Variants in CADM2 observed in about 807,000 individuals in gnomAD.
The protein encoded by CADM2 is cell adhesion molecule 2.
A neutral mutation model predicts 49.8 loss-of-function variants in CADM2; 12 were observed. That is an observed-to-expected ratio of 0.24 (90% CI 0.15 to 0.39). The LOEUF (loss-of-function observed/expected upper bound fraction) is 0.39, where lower values mean the gene tolerates loss of function less well. Among genes scored for constraint, CADM2 ranks in the 10% least tolerant of loss-of-function variants. CADM2 has a pLI of 1.00. For missense variants in CADM2, 378 were observed against 492.3 expected (o/e 0.77, Z 2.20); for synonymous variants, 214 against 175.4 (o/e 1.22, Z -1.74).
At chr3:85,102,932 A>G (rs2038066351) in intron 1 of CADM2, among the ~76,000 whole-genome samples, 1 of 152,158 alleles carries the variant, frequency 6.6e-6, no homozygotes, top group African/African-American at 2.4e-5. Flanking sequence ...TGAGTCAATG[A>G]TAAGGTAACC....
chr3:85,601,640 A>C (rs4856598), intron 1 of CADM2, among the ~76,000 whole-genome samples: 80,832 of 151,148 alleles, frequency 0.53, 24,701 homozygotes, highest in East Asian at 0.93. Flanking sequence ...TTTTAAAAAA[A>C]CGTTTATATT....
intron 1 of CADM2, among the ~76,000 whole-genome samples, chr3:85,267,694 A>T: frequency 6.6e-6 from 1 of 151,628 alleles, no homozygotes; most frequent in East Asian, 1.9e-4. Context: ...ATGAACTAAT[A>T]ATATGCCTGA....
intron 1 of CADM2, among the ~76,000 whole-genome samples, chr3:85,433,438 C>A (rs911023597): frequency 1.3e-5 from 2 of 151,934 alleles, no homozygotes; most frequent in African/African-American, 4.8e-5. Context: ...GGAGAATGAA[C>A]TCAGTTGGGA....
At chr3:85,190,995 T>C (rs910889967) in intron 1 of CADM2, among the ~76,000 whole-genome samples, 17 of 152,096 alleles carry the variant, frequency 1.1e-4, no homozygotes, top group African/African-American at 3.6e-4. Context: ...CTTTTTTATT[T>C]CAGTATTTTA....
rs79123392 is a variant in CADM2 at position 85,891,372 on chromosome 3, A to G, written c.529+5045A>G. ...GATCTTTTCTACCTAACTAGCTTTT[A>G]CATTAATGCATTAGGCAGCATTCTA... On this transcript the variant is annotated intron_variant, in intron 5 of 9. Coordinates refer to ENST00000383699, the MANE Select transcript of CADM2 (RefSeq NM_001167675.2). Among the ~76,000 whole-genome samples, 1,405 of 152,314 alleles carry G rather than the reference A, an allele frequency of 9.2e-3. 12 individuals carry two copies. The highest frequency in any genetic ancestry group is 0.026 in the South Asian group (125 of 4,832).
At chr3:85,189,968 T>A (rs1312411213) in intron 1 of CADM2, among the ~76,000 whole-genome samples, 1 of 150,018 alleles carries the variant, frequency 6.7e-6, no homozygotes. Flanking sequence ...TTTTTTTTTT[T>A]TTTTTTTTAG....
At chr3:85,358,819 G>T (rs1179188191) in intron 1 of CADM2, among the ~76,000 whole-genome samples, 2 of 152,138 alleles carry the variant, frequency 1.3e-5, no homozygotes, top group Non-Finnish European at 2.9e-5. Context: ...ACTTTAAGAG[G>T]TTGTTTTAGT....
chr3:85,566,859 G>T (rs62250491), intron 1 of CADM2, among the ~76,000 whole-genome samples: 77,701 of 151,818 alleles, frequency 0.51, 22,938 homozygotes, highest in East Asian at 0.85. Flanking sequence ...TAGGCAAAAT[G>T]AATATCTGTA....
At chr3:86,042,525 C>T (rs1461152543) in intron 8 of CADM2, among the ~76,000 whole-genome samples, 1 of 152,066 alleles carries the variant, frequency 6.6e-6, no homozygotes, top group Non-Finnish European at 1.5e-5. Context: ...CAAGACTAAA[C>T]CAGGAAGAAG....
chr3:85,400,731 G>A (rs1228705463), intron 1 of CADM2, among the ~76,000 whole-genome samples: 2 of 152,002 alleles, frequency 1.3e-5, no homozygotes, highest in Non-Finnish European at 2.9e-5. Context: ...TAGTTTATTT[G>A]TGTAGAGGTG....
At chr3:85,293,323 G>C (rs1272617161) in intron 1 of CADM2, among the ~76,000 whole-genome samples, 1 of 151,202 alleles carries the variant, frequency 6.6e-6, no homozygotes, top group Non-Finnish European at 1.5e-5. Flanking sequence ...AAGAGTCCAG[G>C]ACCAGATGGA....
intron 1 of CADM2, among the ~76,000 whole-genome samples, chr3:85,382,018 A>G (rs1212769539): frequency 2.6e-5 from 4 of 152,080 alleles, no homozygotes; most frequent in Non-Finnish European, 5.9e-5. Context: ...TTGGTGCTAA[A>G]AAGTTAGGTG....
chr3:86,062,841 A>G (rs1253303067), intron 8 of CADM2, among the ~76,000 whole-genome samples: 3 of 151,742 alleles, frequency 2.0e-5, no homozygotes, highest in Non-Finnish European at 4.4e-5. Context: ...TTAGTGACCA[A>G]TAGCTTTACT....
chr3:85,583,596 A>G (rs2062855052), intron 1 of CADM2, among the ~76,000 whole-genome samples: 1 of 152,154 alleles, frequency 6.6e-6, no homozygotes, highest in Non-Finnish European at 1.5e-5. Context: ...AAAGTTCAAT[A>G]GGATTATAGA....
intron 1 of CADM2, among the ~76,000 whole-genome samples, chr3:85,243,185 T>C (rs1171371371): frequency 6.6e-6 from 1 of 151,898 alleles, no homozygotes; most frequent in African/African-American, 2.4e-5. Context: ...TAGAACATAT[T>C]ATTTCTACTG....
At position 85,563,647 on chromosome 3, in the gene CADM2, G is replaced by C. The variant is rs200750749; in HGVS notation, c.62-162875G>C. Among the ~76,000 whole-genome samples, 4 of 152,062 alleles carry C rather than the reference G, an allele frequency of 2.6e-5. No individual in the cohort carries two copies. The East Asian group carries it at 7.7e-4, about 29-fold the overall frequency. On this transcript the variant is annotated intron_variant, in intron 1 of 9. Coordinates refer to ENST00000383699, the MANE Select transcript of CADM2 (RefSeq NM_001167675.2). Reference sequence around the variant, plus strand: ...ATCATTTTCCTGAGAACTTAAAAAAGGGAGCGGAATTCCAAGATATTTGTT... The same window carrying C: ...ATCATTTTCCTGAGAACTTAAAAAACGGAGCGGAATTCCAAGATATTTGTT...
chr3:85,776,411 T>G (rs1012885086), intron 2 of CADM2, among the ~76,000 whole-genome samples: 1 of 151,880 alleles, frequency 6.6e-6, no homozygotes, highest in Admixed American at 6.6e-5. Flanking sequence ...GTCTCCAATT[T>G]GTGAATACTA....
chr3:85,292,355 C>G (rs1375344996), intron 1 of CADM2, among the ~76,000 whole-genome samples: 1 of 150,496 alleles, frequency 6.6e-6, no homozygotes. Flanking sequence ...CTTTAACACC[C>G]CACTGTCAAC....
At chr3:84,982,912 A>C (rs1299271303) in intron 1 of CADM2, among the ~76,000 whole-genome samples, 3 of 149,258 alleles carry the variant, frequency 2.0e-5, no homozygotes, top group Admixed American at 2.0e-4. Flanking sequence ...TGCCCAGCTA[A>C]TTTTTTTTGT....
Sources: allele counts gnomAD v4.1 joint callset (sites outside exome capture counted in the v4.1 genomes callset), GRCh38; gene constraint gnomAD v4.1.1; transcripts MANE v1.5; gene names NCBI Gene and HGNC (gene_info 2026-07-23, HGNC 2026-07-21).